The following ZFHX3 variants were observed in gnomAD, a reference collection of about 807,000 sequenced individuals.
ZFHX3 encodes zinc finger homeobox protein 3.
A neutral mutation model predicts 279.1 loss-of-function variants in ZFHX3; 42 were observed. That is an observed-to-expected ratio of 0.15 (90% CI 0.12 to 0.19). The LOEUF (loss-of-function observed/expected upper bound fraction) is 0.19. Among genes scored for constraint, ZFHX3 ranks in the 10% least tolerant of loss-of-function variants. The pLI, the probability that ZFHX3 is intolerant of heterozygous loss-of-function variation, is 1.00. For missense variants in ZFHX3, 4,981 were observed against 4,754.0 expected (o/e 1.05, Z -1.40); for synonymous variants, 2,293 against 1,957.8 (o/e 1.17, Z -4.52).
At chr16:73,048,498 G>C (rs1243402610), upstream of ZFHX3, 3 of 152,206 alleles carry the variant, frequency 2.0e-5, no homozygotes, top group African/African-American at 4.8e-5. Context: ...CCCGGGAACC[G>C]GCCCCGGCGG....
intron 2 of ZFHX3, among the ~76,000 whole-genome samples, chr16:73,471,038 T>C (rs952338063): frequency 7.9e-5 from 12 of 152,214 alleles, no homozygotes; most frequent in Non-Finnish European, 4.4e-5. Flanking sequence ...ATTCAGGACA[T>C]GATTTTTTTT....
At chr16:73,778,236 TAAAAAAAAAA>T (rs10654824) in intron 1 of ZFHX3, among the ~76,000 whole-genome samples, 15 of 58,706 alleles carry the variant, frequency 2.6e-4, no homozygotes, top group African/African-American at 7.9e-4. Context: ...GAAGGAGTGT[TAAAAAAAAAA>T]AAAAAAAAAA....
intron 1 of ZFHX3, among the ~76,000 whole-genome samples, chr16:73,706,084 C>T (rs1293197862): frequency 3.9e-5 from 6 of 152,222 alleles, no homozygotes; most frequent in East Asian, 3.9e-4. Flanking sequence ...GTGGGAGGAT[C>T]GCTTGAGTCC....
At chr16:73,591,564 G>A (rs2051996937) in intron 2 of ZFHX3, among the ~76,000 whole-genome samples, 1 of 151,070 alleles carries the variant, frequency 6.6e-6, no homozygotes. Context: ...ATGGTGGCGG[G>A]CACCTGTAGT....
In ZFHX3 at chr16:72,787,802, G is replaced by A; in HGVS notation, c.10474C>T (p.Gln3492Ter). The A allele has an allele frequency of 6.2e-7, 1 of 1,613,406 alleles. No individual in the cohort carries two copies. Among genetic ancestry groups the A allele is most frequent in the Non-Finnish European group, 8.5e-7 (1 of 1,179,786 alleles). The change falls in exon 10 of 10, where the codon CAG becomes TAG. Residue 3492 changes from glutamine (Q) to a stop codon, truncating the protein, a stop_gained. Coordinates refer to ENST00000268489, the MANE Select transcript of ZFHX3 (RefSeq NM_006885.4). LOFTEE classifies it high-confidence loss of function. ...SHLKSLCFFGQSVVNLQEMVL... is the reference protein window; with the variant it reads ...SHLKSLCFFG Reference sequence around the variant, plus strand: ...ATCTCTTGCAGGTTCACCACAGACTGGCCGAAGAAGCAGAGGGACTTCAGG... The same window carrying A: ...ATCTCTTGCAGGTTCACCACAGACTAGCCGAAGAAGCAGAGGGACTTCAGG...
intron 5 of ZFHX3, among the ~76,000 whole-genome samples, chr16:73,148,384 A>G (rs1966877682): frequency 6.6e-6 from 1 of 152,222 alleles, no homozygotes; most frequent in Non-Finnish European, 1.5e-5. Context: ...TTTGGCAGAA[A>G]TAATCTATGG....
At chr16:73,641,980 A>G (rs1166900820) in intron 2 of ZFHX3, among the ~76,000 whole-genome samples, 1 of 152,006 alleles carries the variant, frequency 6.6e-6, no homozygotes, top group Non-Finnish European at 1.5e-5. Flanking sequence ...GCTGGTCCAC[A>G]TGCTCCTCCG....
intron 4 of ZFHX3, among the ~76,000 whole-genome samples, chr16:73,268,870 A>T (rs1188994984): frequency 6.6e-6 from 1 of 152,076 alleles, no homozygotes; most frequent in Non-Finnish European, 1.5e-5. Flanking sequence ...CCAAGCAGCT[A>T]TTTACTGTGG....
At chr16:73,201,643 G>A (rs367794688) in intron 5 of ZFHX3, among the ~76,000 whole-genome samples, 69 of 152,352 alleles carry the variant, frequency 4.5e-4, no homozygotes, top group South Asian at 3.3e-3. Context: ...AGACTTGGCT[G>A]TGCAACTGCT....
At chr16:73,649,070 A>C (rs2052646842) in intron 2 of ZFHX3, among the ~76,000 whole-genome samples, 1 of 152,256 alleles carries the variant, frequency 6.6e-6, no homozygotes, top group Non-Finnish European at 1.5e-5. Flanking sequence ...CAACAGGAAC[A>C]AAATATCACA....
At chr16:73,508,536 G>A (rs2019367508) in intron 2 of ZFHX3, among the ~76,000 whole-genome samples, 1 of 152,190 alleles carries the variant, frequency 6.6e-6, no homozygotes, top group Admixed American at 6.5e-5. Context: ...TGAGTTAGGA[G>A]GAGCAGAGCA....
intron 4 of ZFHX3, among the ~76,000 whole-genome samples, chr16:73,291,056 A>G (rs966113080): frequency 6.6e-6 from 1 of 152,030 alleles, no homozygotes; most frequent in Admixed American, 6.6e-5. Flanking sequence ...AATCAAGTTG[A>G]CCTCGCCTGC....
intron 2 of ZFHX3, chr16:73,543,841 G>A (rs2020058957): frequency 6.7e-6 from 1 of 148,794 alleles, no homozygotes; most frequent in South Asian, 2.1e-4. Flanking sequence ...AGAAGGGGGT[G>A]GGGGAGGGAG....
chr16:73,344,132 G>C (rs1163733281), intron 3 of ZFHX3, among the ~76,000 whole-genome samples: 1 of 152,140 alleles, frequency 6.6e-6, no homozygotes, highest in East Asian at 1.9e-4. Flanking sequence ...TTATAATGGA[G>C]AAACCTGGCA....
rs1230014862 is a variant in ZFHX3, at chr16:73,721,829, G to C, written c.-1607-41589C>G. Among the ~76,000 whole-genome samples the C allele has an allele frequency of 3.3e-5, 5 of 152,298 alleles. No individual in the cohort carries two copies. The East Asian group carries it at 7.7e-4, about 24-fold the overall frequency. ...GGAGGCTGAGACAGGCAGATTGCTT[G>C]AGCCCAGGAGTTCGAGAACAGCCTG... On this transcript the variant is annotated intron_variant, in intron 1 of 17. Transcript: ENST00000641206.
At chr16:73,646,241 G>A (rs1168828962) in intron 2 of ZFHX3, among the ~76,000 whole-genome samples, 1 of 152,110 alleles carries the variant, frequency 6.6e-6, no homozygotes, top group Non-Finnish European at 1.5e-5. Context: ...TCTTTACAAT[G>A]GAATGCTATG....
chr16:73,648,346 G>A (rs1002454352), intron 2 of ZFHX3, among the ~76,000 whole-genome samples: 1 of 152,144 alleles, frequency 6.6e-6, no homozygotes, highest in African/African-American at 2.4e-5. Context: ...AGAAAAAGCT[G>A]AGCTTTAAAA....
chr16:73,559,036 TC>T lies in ZFHX3; in HGVS notation c.-1546-102779del, dbSNP rs368579009. Among the ~76,000 whole-genome samples the T allele has an allele frequency of 8.6e-4, 130 of 150,364 alleles. 1 individual carries two copies. Among genetic ancestry groups the T allele is most frequent in the African/African-American group, 3.0e-3 (121 of 40,010 alleles). Reference sequence around the variant, plus strand: ...TCTCCCTTCTCTGCTCCTTAAGCACTCCTCTTTTTGTGTGTGTGTGTGTGTG... The same window carrying T: ...TCTCCCTTCTCTGCTCCTTAAGCACTCTCTTTTTGTGTGTGTGTGTGTGTG... On this transcript the variant is annotated intron_variant, in intron 2 of 17. Transcript: ENST00000641206.
intron 7 of ZFHX3, among the ~76,000 whole-genome samples, chr16:72,803,331 C>CCAATCAAT (rs749053511): frequency 6.6e-6 from 1 of 151,944 alleles, no homozygotes; most frequent in Non-Finnish European, 1.5e-5. Context: ...GACTCTGTCT[C>CCAATCAAT]CAATCAATCA....
Sources: gnomAD v4.1 joint callset for allele counts (sites outside exome capture counted in the v4.1 genomes callset) on GRCh38, gnomAD v4.1.1 for gene constraint, MANE v1.5 for transcripts, NCBI Gene and HGNC (gene_info 2026-07-23, HGNC 2026-07-21) for gene names.